EHBP1: variants seen among roughly 807,000 people sequenced by gnomAD.
The protein encoded by EHBP1 is EH domain-binding protein 1.
A neutral mutation model predicts 144.0 loss-of-function variants in EHBP1; 55 were observed. That is an observed-to-expected ratio of 0.38 (90% CI 0.31 to 0.48). The LOEUF is 0.48. EHBP1 is among the 20% of genes least tolerant of loss of function. The pLI, the probability that EHBP1 is intolerant of heterozygous loss-of-function variation, is 0.98. For missense variants in EHBP1, 1,200 were observed against 1,364.2 expected (o/e 0.88, Z 1.90); for synonymous variants, 469 against 472.7 (o/e 0.99, Z 0.10).
chr2:62,823,147 C>T (rs1213652563), intron 5 of EHBP1, among the ~76,000 whole-genome samples: 1 of 152,034 alleles, frequency 6.6e-6, no homozygotes, highest in Non-Finnish European at 1.5e-5. Context: ...CAGGCATTAA[C>T]ATTTTTAATA....
intron 7 of EHBP1, among the ~76,000 whole-genome samples, chr2:62,854,177 G>A (rs1375030453): frequency 6.6e-6 from 1 of 152,212 alleles, no homozygotes. Flanking sequence ...ATTGAGTAGA[G>A]TTAGGGCCTT....
intron 2 of EHBP1, among the ~76,000 whole-genome samples, chr2:62,726,214 C>G (rs752980278): frequency 6.6e-6 from 1 of 152,214 alleles, no homozygotes; most frequent in Non-Finnish European, 1.5e-5. Context: ...CTGCCCCTAC[C>G]ACTTCTCTAA....
At chr2:62,835,227 CT>C (rs1194061910) in intron 7 of EHBP1, among the ~76,000 whole-genome samples, 3 of 151,996 alleles carry the variant, frequency 2.0e-5, no homozygotes, top group Admixed American at 6.5e-5. Flanking sequence ...AAGCTTTGCC[CT>C]TCAACTGATA....
chr2:63,044,042 T>A (rs1031880696), intron 21 of EHBP1: 3 of 146,562 alleles, frequency 2.0e-5, no homozygotes, highest in African/African-American at 7.6e-5. Context: ...CTTCTTCTTT[T>A]CATTGTTTAC....
intron 2 of EHBP1, chr2:62,726,546 G>A (rs1445590542): frequency 6.6e-6 from 1 of 152,126 alleles, no homozygotes; most frequent in African/African-American, 2.4e-5. Context: ...TGCTCTAGTC[G>A]GCCATCTTGC....
chr2:62,799,074 T>C (rs977102976), intron 5 of EHBP1, among the ~76,000 whole-genome samples: 2 of 151,794 alleles, frequency 1.3e-5, no homozygotes, highest in Non-Finnish European at 2.9e-5. Flanking sequence ...GTCTTTTCTA[T>C]ATGTGAGACA....
At chr2:62,992,597 A>AT (rs978015437) in intron 16 of EHBP1, among the ~76,000 whole-genome samples, 7 of 152,144 alleles carry the variant, frequency 4.6e-5, no homozygotes, top group South Asian at 2.1e-4. Context: ...TTGGGTTTTA[A>AT]TTTTTTTTAA....
chr2:62,799,111 C>G (rs1359173579), intron 5 of EHBP1, among the ~76,000 whole-genome samples: 1 of 149,864 alleles, frequency 6.7e-6, no homozygotes, highest in Non-Finnish European at 1.5e-5. Flanking sequence ...ATATTAGATA[C>G]TCTAAAGGAA....
intron 5 of EHBP1, among the ~76,000 whole-genome samples, chr2:62,802,810 C>T (rs527872550): frequency 1.5e-4 from 22 of 150,922 alleles, no homozygotes; most frequent in Non-Finnish European, 2.4e-4. Flanking sequence ...CTGCAACCTC[C>T]GCCTCCAAGG....
Position 62,979,837 on chromosome 2 carries a change from T to C in EHBP1, c.2608+502T>C, listed in dbSNP as rs548587022. 4.6e-5 allele frequency among the ~76,000 whole-genome samples: 7 copies of C among 152,294 alleles called. No individual in the cohort carries two copies. The South Asian group carries it at 1.4e-3, about 32-fold the overall frequency. On this transcript the variant is annotated intron_variant, in intron 15 of 22. Transcript: ENST00000431489. Reference sequence around the variant, plus strand: ...TCTCCTCACTCTGAGAGGGTCTTCTTCAATATCTGCAGAGATTAATCTAAG... The same window carrying C: ...TCTCCTCACTCTGAGAGGGTCTTCTCCAATATCTGCAGAGATTAATCTAAG...
At chr2:62,925,762 A>C (rs1319485457) in intron 10 of EHBP1, among the ~76,000 whole-genome samples, 1 of 152,200 alleles carries the variant, frequency 6.6e-6, no homozygotes, top group Non-Finnish European at 1.5e-5. Context: ...TGAAGAGGAT[A>C]CACAAAAATG....
intron 7 of EHBP1, among the ~76,000 whole-genome samples, chr2:62,842,025 T>C (rs771639457): frequency 5.3e-5 from 8 of 152,078 alleles, no homozygotes; most frequent in Non-Finnish European, 1.2e-4. Flanking sequence ...GCCCTGTATG[T>C]GTCTTCATGT....
At chr2:62,825,755 C>G (rs1400368214) in intron 5 of EHBP1, among the ~76,000 whole-genome samples, 1 of 152,014 alleles carries the variant, frequency 6.6e-6, no homozygotes, top group East Asian at 1.9e-4. Context: ...TGATGCCTAG[C>G]CCTGTATTGG....
At chr2:62,879,594 GAC>G (rs1353414861) in intron 10 of EHBP1, among the ~76,000 whole-genome samples, 103 of 114,756 alleles carry the variant, frequency 9.0e-4, no homozygotes, top group South Asian at 3.1e-3. Flanking sequence ...CACACACAGA[GAC>G]AGAGAGAGAG....
chr2:62,751,426 G>T (rs2039706826), intron 3 of EHBP1, among the ~76,000 whole-genome samples: 1 of 152,154 alleles, frequency 6.6e-6, no homozygotes, highest in East Asian at 1.9e-4. Context: ...GTTCATCAGG[G>T]ATATTGGTCC....
At chr2:62,866,081 GTGTT>G (rs2050010864) in intron 9 of EHBP1, among the ~76,000 whole-genome samples, 4 of 152,176 alleles carry the variant, frequency 2.6e-5, no homozygotes, top group African/African-American at 9.7e-5. Flanking sequence ...AGAATAATTT[GTGTT>G]CCCACCAGCC....
intron 12 of EHBP1, among the ~76,000 whole-genome samples, chr2:62,947,485 T>C (rs1337844595): frequency 6.6e-6 from 1 of 152,208 alleles, no homozygotes; most frequent in Non-Finnish European, 1.5e-5. Flanking sequence ...GTTCTTACTT[T>C]CTCTGAGAGT....
intron 2 of EHBP1, among the ~76,000 whole-genome samples, chr2:62,726,338 C>G (rs979454010): frequency 2.0e-5 from 3 of 152,196 alleles, no homozygotes; most frequent in African/African-American, 7.2e-5. Context: ...TTCAACTCAC[C>G]CAGTCTCCTG....
intron 5 of EHBP1, among the ~76,000 whole-genome samples, chr2:62,787,394 G>GCCCCCCCCCCCCCCCCCCCCCC (rs72201800): frequency 1.4e-5 from 1 of 70,486 alleles, no homozygotes; most frequent in African/African-American, 5.3e-5. Context: ...CTGCACCGCT[G>GCCCCCCCCCCCCCCCCCCCCCC]CCCCCCCCCC....
Sources: gnomAD v4.1 joint callset for allele counts (sites outside exome capture counted in the v4.1 genomes callset) on GRCh38, gnomAD v4.1.1 for gene constraint, MANE v1.5 for transcripts, NCBI Gene and HGNC (gene_info 2026-07-23, HGNC 2026-07-21) for gene names.